MRPS18A: variants seen among roughly 807,000 people sequenced by gnomAD.
MRPS18A encodes large ribosomal subunit protein mL66.
In MRPS18A, 20 loss-of-function variants were observed where a neutral mutation model predicts 22.7. That is an observed-to-expected ratio of 0.88 (90% confidence interval 0.62 to 1.28). The LOEUF (loss-of-function observed/expected upper bound fraction) is 1.28, where lower values mean the gene tolerates loss of function less well. Ranked by LOEUF, MRPS18A falls within the 50% of genes most tolerant of loss-of-function variation. MRPS18A has a pLI of 0.00. For synonymous variants in MRPS18A, 106 were observed against 99.1 expected (o/e 1.07, Z -0.41); for missense variants, 294 against 262.6 (o/e 1.12, Z -0.83).
intron 5 of MRPS18A, among the ~76,000 whole-genome samples, chr6:43,674,022 T>C (rs1021574636): frequency 6.6e-6 from 1 of 152,156 alleles, no homozygotes; most frequent in Non-Finnish European, 1.5e-5. Context: ...ATAGCATAGT[T>C]AGGGGACATA....
intron 5 of MRPS18A, among the ~76,000 whole-genome samples, chr6:43,674,491 C>A (rs564026082): frequency 2.6e-5 from 4 of 152,190 alleles, no homozygotes; most frequent in Non-Finnish European, 5.9e-5. Flanking sequence ...CTACTCTCAA[C>A]AAGGGGATAC....
intron 5 of MRPS18A, among the ~76,000 whole-genome samples, chr6:43,674,846 T>C (rs1773961793): frequency 6.6e-6 from 1 of 152,186 alleles, no homozygotes; most frequent in Admixed American, 6.5e-5. Context: ...GGCCCTCCCA[T>C]TTCTAAGGCC....
chr6:43,681,049 C>T lies in MRPS18A; in HGVS notation c.144+40G>A, dbSNP rs201547641. 7.1e-5 allele frequency: 114 copies of T among 1,606,486 alleles called. 1 individual carries two copies. In the South Asian group the frequency reaches 9.7e-4, roughly 14 times the overall value. On this transcript the variant is annotated intron_variant, in intron 2 of 5. Coordinates refer to ENST00000372133, the MANE Select transcript of MRPS18A (RefSeq NM_018135.4). ...AGAGGAGCGGCCAGGCAGCTCCAAG[C>T]GTTAAAGAGGTTATACATGGCCAAC...
chr6:43,671,959 C>T (rs751206865), intron 5 of MRPS18A, 53 bp from the exon 6 acceptor site: 22 of 1,517,870 alleles, frequency 1.4e-5, no homozygotes, highest in Middle Eastern at 1.7e-4. Context: ...CCAAGCTGGA[C>T]GTGGGAGAGT....
intron 1 of MRPS18A, among the ~76,000 whole-genome samples, chr6:43,686,914 G>T (rs1053879700): frequency 1.3e-5 from 2 of 152,156 alleles, no homozygotes; most frequent in Admixed American, 1.3e-4. Flanking sequence ...TCCAGTAACT[G>T]AGTCTCCCTG....
chr6:43,679,222 A>C (rs187689467), intron 2 of MRPS18A, among the ~76,000 whole-genome samples: 2 of 152,224 alleles, frequency 1.3e-5, no homozygotes, highest in African/African-American at 2.4e-5. Context: ...TGGGGGAGGG[A>C]GTGCTACTGC....
chr6:43,675,747 C>T, intron 3 of MRPS18A, 130 bp from the exon 4 acceptor site: 3 of 1,089,778 alleles, frequency 2.8e-6, no homozygotes, highest in Non-Finnish European at 3.8e-6. Context: ...TTCCTCCACA[C>T]AGAGCTTTGC....
chr6:43,678,483 C>G, intron 3 of MRPS18A, 35 bp downstream of exon 3: 6 of 1,484,770 alleles, frequency 4.0e-6, no homozygotes, highest in African/African-American at 1.4e-5. Flanking sequence ...AACTTCATGA[C>G]ACACAGAACC....
intron 1 of MRPS18A, among the ~76,000 whole-genome samples, chr6:43,687,242 A>G (rs1774756741): frequency 6.6e-6 from 1 of 152,166 alleles, no homozygotes; most frequent in African/African-American, 2.4e-5. Context: ...CCATCAGATC[A>G]CAGCATTTTG....
At chr6:43,685,553 G>T (rs1215729310) in intron 1 of MRPS18A, among the ~76,000 whole-genome samples, 1 of 152,190 alleles carries the variant, frequency 6.6e-6, no homozygotes, top group East Asian at 1.9e-4. Flanking sequence ...TTGCCCCCCA[G>T]TTGAAAATCA....
intron 5 of MRPS18A, chr6:43,672,651 T>C (rs1582405853): frequency 7.1e-6 from 2 of 283,410 alleles, no homozygotes; most frequent in East Asian, 1.8e-4. Flanking sequence ...AGGCCAGGAA[T>C]CCTCCCCTGC....
Position 43,678,583 on chromosome 6 carries a change from G to A in MRPS18A, c.187C>T (p.Pro63Ser). 1 of 1,613,970 alleles carries A rather than the reference G, an allele frequency of 6.2e-7. No homozygotes were observed. The highest frequency in any genetic ancestry group is 1.1e-5 in the South Asian group (1 of 91,082). Residue 63 changes from proline to serine, a missense_variant, in exon 3 of 6, where the codon CCT becomes TCT. By Grantham distance (74) the Pro-to-Ser change is moderately conservative. Coordinates refer to ENST00000372133, the MANE Select transcript of MRPS18A (RefSeq NM_018135.4). Reference sequence around the variant, plus strand: ...GGGCACTGGCCAGAGGGGTTAGGAGGATTTGGACTCTCCTTGGGAGTCGCT... The same window carrying A: ...GGGCACTGGCCAGAGGGGTTAGGAGAATTTGGACTCTCCTTGGGAGTCGCT... ...ITATPKESPN[P>S]PNPSGQCPIC...
At chr6:43,680,566 G>A (rs569711402) in intron 2 of MRPS18A, among the ~76,000 whole-genome samples, 3 of 152,324 alleles carry the variant, frequency 2.0e-5, no homozygotes, top group East Asian at 1.9e-4. Context: ...GGAGGGAAAC[G>A]GGGGAGTGGG....
At chr6:43,681,988 T>C (rs1444249611) in intron 1 of MRPS18A, among the ~76,000 whole-genome samples, 3 of 152,250 alleles carry the variant, frequency 2.0e-5, no homozygotes, top group East Asian at 3.8e-4. Context: ...TACTCCCGTG[T>C]TGACACAGTT....
intron 2 of MRPS18A, among the ~76,000 whole-genome samples, 191 bp from the exon 3 acceptor site, chr6:43,678,816 G>C (rs974684921): frequency 6.6e-6 from 1 of 152,190 alleles, no homozygotes; most frequent in African/African-American, 2.4e-5. Flanking sequence ...TAGGCCTTGA[G>C]ATAGCTACAG....
rs746370780 is a variant in MRPS18A, at chr6:43,678,669, C to T, written c.145-44G>A. 36 of 1,358,314 alleles carry T rather than the reference C, an allele frequency of 2.7e-5. No homozygotes were observed. In the Middle Eastern group the frequency reaches 5.3e-4, roughly 20 times the overall value. The allele number at this position is 1,358,314 out of a possible 1,614,324, so 84.1% of individuals were successfully genotyped here. A position where few individuals can be genotyped will look rare whatever the true frequency, so the allele number is the denominator to read the frequency against. On this transcript the variant is annotated intron_variant, in intron 2 of 5. Coordinates refer to ENST00000372133, the MANE Select transcript of MRPS18A (RefSeq NM_018135.4). ...GAGCCAGTGTGAGAGACAGGACCTG[C>T]GTGGAGCCACATTATCTTTGCACAA...
Position 43,677,648 on chromosome 6 carries a change from G to A in MRPS18A, c.252+870C>T, listed in dbSNP as rs148483504. Among the ~76,000 whole-genome samples the A allele has an allele frequency of 5.9e-3, 896 of 152,258 alleles. 3 individuals are homozygous for A. The highest frequency in any genetic ancestry group is 0.027 in the South Asian group (131 of 4,820). On this transcript the variant is annotated intron_variant, in intron 3 of 5. Coordinates refer to ENST00000372133, the MANE Select transcript of MRPS18A (RefSeq NM_018135.4). ...GAGCATGGGATCTGCCTGGGCTTTC[G>A]TCCCTGGAGTTTGTATCCCAGCTCT...
In MRPS18A at chr6:43,671,836, G is replaced by A. The variant is rs1396346974; in HGVS notation, c.517C>T (p.Arg173Cys). ...AGAAGGGGTGACCCCACGGGCATGC[G>A]CACCCTGTTCCAGCGGGGGCCTTTT... ...YKKGPRWNRV[R>C]MPVGSPLLRD... Residue 173 changes from arginine (R) to cysteine (C), a missense_variant, in exon 6 of 6, where the codon CGC becomes TGC. Transcript: ENST00000372133. The A allele has an allele frequency of 1.5e-5, 24 of 1,613,998 alleles. No homozygotes were observed. The highest frequency in any genetic ancestry group is 6.7e-5 in the Admixed American group (4 of 59,994).
chr6:43,675,294 T>C (rs201252905), intron 4 of MRPS18A, 23 bp from the exon 5 acceptor site: 1 of 1,539,824 alleles, frequency 6.5e-7, no homozygotes, highest in East Asian at 2.3e-5. Flanking sequence ...GAAGAGGGGA[T>C]AGTCTTTGCA....
Sources: allele counts gnomAD v4.1 joint callset (sites outside exome capture counted in the v4.1 genomes callset), GRCh38; gene constraint gnomAD v4.1.1; transcripts MANE v1.5; gene names NCBI Gene and HGNC (gene_info 2026-07-23, HGNC 2026-07-21).